LRRN1: variants seen among roughly 807,000 people sequenced by gnomAD.
LRRN1 encodes leucine-rich repeat neuronal protein 1.
LRRN1 carries 14 observed loss-of-function variants against 45.8 expected under a neutral mutation model. The observed-to-expected ratio is 0.31, with a 90% CI of 0.20 to 0.48. LRRN1 has a LOEUF of 0.48. LRRN1 is among the 20% of genes least tolerant of loss of function. The pLI, the probability that LRRN1 is intolerant of heterozygous loss-of-function variation, is 0.99. For synonymous variants in LRRN1, 359 were observed against 330.1 expected (o/e 1.09, Z -0.95); for missense variants, 789 against 874.2 (o/e 0.90, Z 1.23).
rs1575307981 is a variant in LRRN1 at position 3,848,102 on chromosome 3, C to T, written c.*1310C>T. Among the ~76,000 whole-genome samples the T allele has an allele frequency of 6.6e-6, 1 of 152,266 alleles. No homozygotes were observed. The highest frequency in any genetic ancestry group is 2.4e-5 in the African/African-American group (1 of 41,558). On this transcript the variant is annotated 3_prime_UTR_variant, in exon 2 of 2. Transcript: ENST00000319331. ...GTACAAAAACGTCTGTGGAGTGTCA[C>T]AAACTGTATGACATGTTATTTCTTT...
At chr3:3,807,727 A>C (rs1372564) in intron 1 of LRRN1, among the ~76,000 whole-genome samples, 91,503 of 152,038 alleles carry the variant, frequency 0.6, 29,737 homozygotes, top group Non-Finnish European at 0.74. Context: ...GAGAGTTTCC[A>C]GGACACATGT....
intron 1 of LRRN1, among the ~76,000 whole-genome samples, chr3:3,830,682 T>C (rs148413054): frequency 3.3e-5 from 5 of 152,216 alleles, no homozygotes; most frequent in African/African-American, 9.6e-5. Flanking sequence ...GCCACTTCCT[T>C]ATGTAACTTA....
Position 3,799,547 on chromosome 3 carries a change from C to G in LRRN1, c.-651C>G, listed in dbSNP as rs1000935697. ...GGGGAGAGGGGCCGACGGCGTCAGC[C>G]CGGGCGGCGGCATCCCTAGGCGCCT... On this transcript the variant is annotated 5_prime_UTR_variant, in exon 1 of 2. Coordinates refer to ENST00000319331, the MANE Select transcript of LRRN1 (RefSeq NM_020873.7). 2 of 152,078 alleles carry G rather than the reference C, an allele frequency of 1.3e-5. No homozygotes were observed. Among genetic ancestry groups the G allele is most frequent in the African/African-American group, 4.8e-5 (2 of 41,440 alleles). The allele number at this position is 152,078 out of a possible 1,614,324, so 9.4% of individuals were successfully genotyped here.
intron 1 of LRRN1, among the ~76,000 whole-genome samples, chr3:3,808,771 G>C (rs1460746688): frequency 6.8e-6 from 1 of 146,580 alleles, no homozygotes; most frequent in Non-Finnish European, 1.5e-5. Context: ...CCATATTAAA[G>C]TCTATGTAAA....
chr3:3,838,262 A>G (rs1418300948), intron 1 of LRRN1, among the ~76,000 whole-genome samples: 1 of 152,242 alleles, frequency 6.6e-6, no homozygotes, highest in Non-Finnish European at 1.5e-5. Context: ...AAGATAGATT[A>G]AAGACTTAAA....
rs570988140 is a variant in LRRN1 at position 3,817,483 on chromosome 3, A to G, written c.-279+17564A>G. 1.1e-4 allele frequency among the ~76,000 whole-genome samples: 17 copies of G among 152,304 alleles called. 1 individual carries two copies. Among genetic ancestry groups the G allele is most frequent in the Admixed American group, 4.6e-4 (7 of 15,290 alleles). On this transcript the variant is annotated intron_variant, in intron 1 of 1. Transcript: ENST00000319331. ...TTAACCTTGACTAGCGGGAACTTCT[A>G]TGTTAAATGTATGCACACTTCTGTA...
rs267599793 is a variant in LRRN1 at position 3,845,541 on chromosome 3, C to T, written c.900C>T (p.Leu300=). 15 of 1,613,938 alleles carry T rather than the reference C, an allele frequency of 9.3e-6. No individual in the cohort carries two copies. Among genetic ancestry groups the T allele is most frequent in the South Asian group, 5.5e-5 (5 of 91,070 alleles). The part of the protein sequence containing the change: ...KELGINNMGE[L]VSVDRYALDN... ...TGGGAATCAACAATATGGGCGAGCT[C>T]GTTTCTGTCGACCGCTATGCCCTGG... The change falls in exon 2 of 2, where the codon CTC becomes CTT. Residue 300 remains leucine (L), a synonymous_variant. Transcript: ENST00000319331. The surrounding 1 kb of genome is among the most constrained non-coding windows in gnomAD (Gnocchi z 6.5).
chr3:3,811,541 C>A (rs1442033875), intron 1 of LRRN1, among the ~76,000 whole-genome samples: 1 of 152,134 alleles, frequency 6.6e-6, no homozygotes, highest in Non-Finnish European at 1.5e-5. Context: ...ATAATTTGTA[C>A]AAAGTTATTT....
chr3:3,808,858 A>G (rs1692819665), intron 1 of LRRN1, among the ~76,000 whole-genome samples: 1 of 152,168 alleles, frequency 6.6e-6, no homozygotes, highest in Non-Finnish European at 1.5e-5. Flanking sequence ...CAATCATTGA[A>G]TTATCTTTTA....
intron 1 of LRRN1, among the ~76,000 whole-genome samples, chr3:3,836,139 G>C (rs550223935): frequency 9.9e-4 from 151 of 152,106 alleles, no homozygotes; most frequent in South Asian, 4.8e-3. Flanking sequence ...CAGAATTTAA[G>C]ATAATTAATT....
chr3:3,826,308 G>T (rs1293378992), intron 1 of LRRN1, among the ~76,000 whole-genome samples: 3 of 152,188 alleles, frequency 2.0e-5, no homozygotes, highest in Admixed American at 6.5e-5. Flanking sequence ...GGAAAGGGCT[G>T]ATGACTTCCT....
At chr3:3,814,319 T>C (rs1692944147) in intron 1 of LRRN1, among the ~76,000 whole-genome samples, 1 of 151,336 alleles carries the variant, frequency 6.6e-6, no homozygotes, top group African/African-American at 2.4e-5. Flanking sequence ...CTGGATATTC[T>C]TGATGTCCCT....
chr3:3,837,340 C>G (rs910699334), intron 1 of LRRN1, among the ~76,000 whole-genome samples: 4 of 152,080 alleles, frequency 2.6e-5, no homozygotes, highest in Admixed American at 2.6e-4. Context: ...CTTCCCCCCC[C>G]CATTTTATAA....
intron 1 of LRRN1, among the ~76,000 whole-genome samples, chr3:3,842,647 T>TG (rs748797780): frequency 2.6e-5 from 4 of 152,182 alleles, no homozygotes; most frequent in Non-Finnish European, 4.4e-5. Flanking sequence ...TTTAAACACA[T>TG]ATGCTCTATT....
chr3:3,835,346 C>A (rs1693484896), intron 1 of LRRN1, among the ~76,000 whole-genome samples: 1 of 152,160 alleles, frequency 6.6e-6, no homozygotes, highest in South Asian at 2.1e-4. Flanking sequence ...TTGAACACTG[C>A]AGTGACAGTG....
At chr3:3,802,416 A>G (rs1036323224) in intron 1 of LRRN1, among the ~76,000 whole-genome samples, 3 of 152,162 alleles carry the variant, frequency 2.0e-5, no homozygotes, top group Admixed American at 6.5e-5. Flanking sequence ...TTGCCCCAGT[A>G]TTCTATATAT....
chr3:3,846,795 C>CA lies in LRRN1; in HGVS notation c.*4dup, dbSNP rs1464783335. 3 of 1,582,430 alleles carry CA rather than the reference C, an allele frequency of 1.9e-6. No individual in the cohort carries two copies. The East Asian group carries it at 6.7e-5, about 36-fold the overall frequency. ...CCAGAAGCTATTACATGTGGTAACT[C>CA]AGAGGATATTTTGCTTCTGGTAGTA... On this transcript the variant is annotated 3_prime_UTR_variant, in exon 2 of 2. Coordinates refer to ENST00000319331, the MANE Select transcript of LRRN1 (RefSeq NM_020873.7). The surrounding 1 kb of genome is among the most constrained non-coding windows in gnomAD (Gnocchi z 5.7).
chr3:3,823,121 C>A (rs1693138945), intron 1 of LRRN1, among the ~76,000 whole-genome samples: 1 of 152,096 alleles, frequency 6.6e-6, no homozygotes, highest in South Asian at 2.1e-4. Context: ...TGGGAAAAAT[C>A]GGTGTTGGCT....
chr3:3,830,124 A>G (rs904683069), intron 1 of LRRN1, among the ~76,000 whole-genome samples: 2 of 152,172 alleles, frequency 1.3e-5, no homozygotes, highest in Admixed American at 6.5e-5. Flanking sequence ...GGCTGGGGAA[A>G]GAGGCTGAGT....
Sources: gnomAD v4.1 joint callset for allele counts (sites outside exome capture counted in the v4.1 genomes callset) on GRCh38, gnomAD v4.1.1 for gene constraint, Gnocchi (gnomAD v3.1) non-coding constraint, MANE v1.5 for transcripts, NCBI Gene and HGNC (gene_info 2026-07-23, HGNC 2026-07-21) for gene names.